The following EPC2 variants were observed in gnomAD, a reference collection of about 807,000 sequenced individuals.
The protein encoded by EPC2 is enhancer of polycomb 2.
Under a neutral mutation model 92.1 loss-of-function variants are expected in EPC2, and 14 were observed. The ratio of observed to expected loss-of-function variants is 0.15; its 90% CI spans 0.10 to 0.24. The LOEUF (loss-of-function observed/expected upper bound fraction) is 0.24. Ranked by LOEUF, EPC2 falls within the 10% of genes least tolerant of loss-of-function variation. EPC2 has a pLI of 1.00. For synonymous variants in EPC2, 340 were observed against 334.7 expected (o/e 1.02, Z -0.17); for missense variants, 755 against 971.5 (o/e 0.78, Z 2.96).
chr2:148,692,051 G>T (rs989607170), intron 2 of EPC2: 15 of 321,228 alleles, frequency 4.7e-5, no homozygotes, highest in South Asian at 4.1e-4. Flanking sequence ...ATTTGTTCCC[G>T]CTTTCTCCTT....
chr2:148,768,274 A>T (rs570166648), intron 7 of EPC2, among the ~76,000 whole-genome samples: 9 of 152,348 alleles, frequency 5.9e-5, no homozygotes, highest in South Asian at 2.1e-4. Context: ...TTTTAAAAAA[A>T]TTTTAATAAT....
rs1414114532 is a variant in EPC2 at position 148,736,920 on chromosome 2, T to C, written c.314-6702T>C. ...TTCAAAAGCAGCCTGGGGAACATGG[T>C]GAAACCCCATTTCTACAAAAAAAAA... On this transcript the variant is annotated intron_variant, in intron 2 of 13. Coordinates refer to ENST00000258484, the MANE Select transcript of EPC2 (RefSeq NM_015630.4). 6.0e-5 allele frequency among the ~76,000 whole-genome samples: 9 copies of C among 149,422 alleles called. No individual in the cohort carries two copies. In the South Asian group the frequency reaches 8.4e-4, roughly 14 times the overall value.
intron 2 of EPC2, among the ~76,000 whole-genome samples, chr2:148,736,626 A>G (rs1682761150): frequency 1.3e-5 from 2 of 152,150 alleles, no homozygotes; most frequent in African/African-American, 4.8e-5. Context: ...TTATATTACG[A>G]TTTCTCTAAT....
At chr2:148,645,740 C>T (rs961413895) in intron 1 of EPC2, among the ~76,000 whole-genome samples, 3 of 152,078 alleles carry the variant, frequency 2.0e-5, no homozygotes, top group Non-Finnish European at 1.5e-5. Context: ...GGGGCCACGA[C>T]TACCGAGCGG....
intron 4 of EPC2, among the ~76,000 whole-genome samples, chr2:148,760,098 C>T (rs1030482464): frequency 6.6e-6 from 1 of 152,034 alleles, no homozygotes; most frequent in African/African-American, 2.4e-5. Flanking sequence ...CAAAAAATAG[C>T]TGGGTGTGAT....
At chr2:148,649,695 A>G (rs953772307) in intron 1 of EPC2, among the ~76,000 whole-genome samples, 1 of 152,206 alleles carries the variant, frequency 6.6e-6, no homozygotes, top group Non-Finnish European at 1.5e-5. Flanking sequence ...GCAGGGCTGA[A>G]ATTCAGACCC....
intron 1 of EPC2, among the ~76,000 whole-genome samples, chr2:148,685,568 G>T (rs1681499800): frequency 6.6e-6 from 1 of 152,196 alleles, no homozygotes; most frequent in South Asian, 2.1e-4. Flanking sequence ...AGACCATCCT[G>T]GCTAACACGG....
intron 2 of EPC2, chr2:148,692,539 A>G (rs1681666138): frequency 6.6e-6 from 1 of 152,204 alleles, no homozygotes; most frequent in Non-Finnish European, 1.5e-5. Flanking sequence ...GTCTAGAGAA[A>G]CACACATGCG....
intron 10 of EPC2, among the ~76,000 whole-genome samples, chr2:148,779,838 G>C (rs1353528407): frequency 6.6e-6 from 1 of 152,216 alleles, no homozygotes; most frequent in African/African-American, 2.4e-5. Context: ...CTTAAGGACT[G>C]TTGTAATAAT....
chr2:148,769,158 C>T lies in EPC2; in HGVS notation c.1148C>T (p.Ser383Phe), dbSNP rs1210066201. 1.2e-6 allele frequency: 2 copies of T among 1,610,934 alleles called. No homozygotes were observed. The highest frequency in any genetic ancestry group is 1.7e-5 in the Admixed American group (1 of 59,764). Residue 383 changes from serine to phenylalanine, a missense_variant, in exon 8 of 14, where the codon TCC (serine) becomes TTC (phenylalanine). Ser to Phe is a radical substitution (Grantham distance 155). This residue lies in a region of EPC2 where 509 missense variants were observed against 607.7 expected (regional missense o/e 0.84). Transcript: ENST00000258484. ...SDEDEFPQVL[S>F]PVSEPEEEND... ...AATGCCTCTTTTGTCTAGGTATTGT[C>T]CCCAGTATCAGAACCGGAAGAAGAA...
chr2:148,694,424 AG>A (rs1355056644), intron 2 of EPC2, among the ~76,000 whole-genome samples: 2 of 152,198 alleles, frequency 1.3e-5, no homozygotes, highest in African/African-American at 2.4e-5. Context: ...TGTCTTTACC[AG>A]GTGGGAAGCA....
At chr2:148,769,770 C>G (rs977904448) in intron 8 of EPC2, among the ~76,000 whole-genome samples, 5 of 152,152 alleles carry the variant, frequency 3.3e-5, no homozygotes, top group African/African-American at 1.2e-4. Context: ...ATATCACTCT[C>G]CAAGGTTCTC....
In EPC2 at chr2:148,743,786, A is replaced by G. The variant is rs759886426; in HGVS notation, c.459+19A>G. On this transcript the variant is annotated intron_variant, in intron 3 of 13. Coordinates refer to ENST00000258484, the MANE Select transcript of EPC2 (RefSeq NM_015630.4). Reference sequence around the variant, plus strand: ...TAATCAGGTACTGTACCATGTAAAGATGTCTCTTATCTTCTAGTTAACCCA... The same window carrying G: ...TAATCAGGTACTGTACCATGTAAAGGTGTCTCTTATCTTCTAGTTAACCCA... The G allele has an allele frequency of 6.7e-7, 1 of 1,501,482 alleles. No individual in the cohort carries two copies. Among genetic ancestry groups the G allele is most frequent in the East Asian group, 2.5e-5 (1 of 39,968 alleles). The allele number at this position is 1,501,482 out of a possible 1,614,324, so 93.0% of individuals were successfully genotyped here. A position where few individuals can be genotyped will look rare whatever the true frequency, so the allele number is the denominator to read the frequency against.
intron 1 of EPC2, among the ~76,000 whole-genome samples, chr2:148,686,251 C>T (rs1191023577): frequency 6.6e-6 from 1 of 152,232 alleles, no homozygotes. Context: ...CAAGAAACCA[C>T]TTCCTTGCTC....
chr2:148,746,887 A>G lies in EPC2; in HGVS notation c.459+3120A>G, dbSNP rs369724219. Reference sequence around the variant, plus strand: ...GTTAAAGCAAATACAAAAGCTAACAATACATGAGTCTTGGTGTAAATGGAT... The same window carrying G: ...GTTAAAGCAAATACAAAAGCTAACAGTACATGAGTCTTGGTGTAAATGGAT... On this transcript the variant is annotated intron_variant, in intron 3 of 13. Coordinates refer to ENST00000258484, the MANE Select transcript of EPC2 (RefSeq NM_015630.4). 3.3e-5 allele frequency among the ~76,000 whole-genome samples: 5 copies of G among 152,204 alleles called. No individual in the cohort carries two copies. In the East Asian group the frequency reaches 5.8e-4, roughly 18 times the overall value.
intron 2 of EPC2, among the ~76,000 whole-genome samples, chr2:148,738,924 C>T (rs1188804088): frequency 1.3e-5 from 2 of 152,170 alleles, no homozygotes; most frequent in African/African-American, 4.8e-5. Context: ...TGGTTGGTCA[C>T]TGAGAGAGCA....
chr2:148,703,848 A>C (rs1293613171), intron 2 of EPC2, among the ~76,000 whole-genome samples: 1 of 152,208 alleles, frequency 6.6e-6, no homozygotes, highest in Non-Finnish European at 1.5e-5. Context: ...AGTTTTAAAA[A>C]CATGCATTAT....
chr2:148,774,624 T>TATTATATATGTATATATATATA, intron 10 of EPC2, among the ~76,000 whole-genome samples: 1 of 132,614 alleles, frequency 7.5e-6, no homozygotes, highest in South Asian at 2.6e-4. Flanking sequence ...AAAATATATT[T>TATTATATATGTATATATATATA]TATATATATA....
chr2:148,679,775 AACTAGGACC>A (rs1422464886), intron 1 of EPC2, among the ~76,000 whole-genome samples: 10 of 152,200 alleles, frequency 6.6e-5, no homozygotes, highest in African/African-American at 2.2e-4. Flanking sequence ...CCTCCAAAAT[AACTAGGACC>A]ACTGATGTGA....
Sources: allele counts gnomAD v4.1 joint callset (sites outside exome capture counted in the v4.1 genomes callset), GRCh38; gene constraint gnomAD v4.1.1; regional missense constraint gnomAD v4.1.1; transcripts MANE v1.5; gene names NCBI Gene and HGNC (gene_info 2026-07-23, HGNC 2026-07-21).